The following SLC2A7 variants were observed in gnomAD, a reference collection of about 807,000 sequenced individuals.
SLC2A7 encodes solute carrier family 2, facilitated glucose transporter member 7.
A neutral mutation model predicts 50.5 loss-of-function variants in SLC2A7; 50 were observed. That is an observed-to-expected ratio of 0.99 (90% CI 0.79 to 1.25). SLC2A7 has a LOEUF of 1.25. SLC2A7 is among the 50% of genes most tolerant of loss of function. The pLI, the probability that SLC2A7 is intolerant of heterozygous loss-of-function variation, is 0.00. For missense variants in SLC2A7, 683 were observed against 679.1 expected (o/e 1.01, Z -0.06); for synonymous variants, 308 against 300.4 (o/e 1.03, Z -0.26).
rs376207959 is a variant in SLC2A7, at chr1:9,009,624, C to T, written c.1116+519G>A. Among the ~76,000 whole-genome samples the T allele has an allele frequency of 5.1e-4, 78 of 152,200 alleles. No homozygotes were observed. In the East Asian group the frequency reaches 5.8e-3, roughly 11 times the overall value. On this transcript the variant is annotated intron_variant, in intron 9 of 11. Transcript: ENST00000400906. ...GGTGCACACCACCACACCCAGAAAA[C>T]GTTTTGTATTTTTTGTAGAGATGGG...
chr1:9,004,331 T>TAAAAAA (rs761127530), intron 11 of SLC2A7, among the ~76,000 whole-genome samples: 74 of 119,860 alleles, frequency 6.2e-4, no homozygotes, highest in African/African-American at 2.4e-3. Context: ...AGGCCCTGTC[T>TAAAAAA]AAAAAAAAAA....
chr1:9,023,637 T>G (rs1156901132), intron 2 of SLC2A7, among the ~76,000 whole-genome samples: 1 of 151,652 alleles, frequency 6.6e-6, no homozygotes, highest in Non-Finnish European at 1.5e-5. Context: ...TGGCTGGGAA[T>G]GGCTCACACC....
intron 9 of SLC2A7, among the ~76,000 whole-genome samples, chr1:9,007,690 A>G (rs1014605669): frequency 6.6e-6 from 1 of 151,608 alleles, no homozygotes; most frequent in East Asian, 1.9e-4. Context: ...ATATTAACTC[A>G]TCTGATCTTT....
downstream of SLC2A7, among the ~76,000 whole-genome samples, chr1:9,001,419 ATTTT>A (rs767748961): frequency 0.024 from 3,022 of 124,274 alleles, 95 homozygotes; most frequent in African/African-American, 0.085. Flanking sequence ...TGCAGGTGCT[ATTTT>A]TTTTTTTTTT....
downstream of SLC2A7, among the ~76,000 whole-genome samples, chr1:9,002,087 C>G (rs28770818): frequency 1.3e-5 from 2 of 152,000 alleles, no homozygotes; most frequent in Non-Finnish European, 2.9e-5. Context: ...TCTCCATTGT[C>G]GAGTACCCAG....
chr1:8,997,197 T>C, the SLC2A7 span, among the ~76,000 whole-genome samples: 1 of 151,990 alleles, frequency 6.6e-6, no homozygotes, highest in African/African-American at 2.4e-5. Flanking sequence ...TCCCAGTGAC[T>C]CGAGAGGCTG....
intron 7 of SLC2A7, among the ~76,000 whole-genome samples, chr1:9,014,273 G>T (rs531507347): frequency 6.6e-6 from 1 of 152,344 alleles, no homozygotes; most frequent in East Asian, 1.9e-4. Context: ...TACAGCCAAA[G>T]AGCCACGGTC....
chr1:9,004,469 C>A (rs1464115611), intron 11 of SLC2A7, among the ~76,000 whole-genome samples: 2 of 152,138 alleles, frequency 1.3e-5, no homozygotes, highest in African/African-American at 4.8e-5. Flanking sequence ...GGGATCTGCA[C>A]CCTGGCTCTG....
At chr1:9,022,016 G>C (rs1569808628) in intron 3 of SLC2A7, among the ~76,000 whole-genome samples, 1 of 152,154 alleles carries the variant, frequency 6.6e-6, no homozygotes, top group South Asian at 2.1e-4. Context: ...CTTCTTTCCA[G>C]CGCATAATGT....
Position 9,018,273 on chromosome 1 carries a change from A to C in SLC2A7, c.539T>G (p.Val180Gly), listed in dbSNP as rs751075534. The C allele has an allele frequency of 8.1e-6, 13 of 1,613,732 alleles. No individual in the cohort carries two copies. In the East Asian group the frequency reaches 2.9e-4, roughly 36 times the overall value. Residue 180 changes from valine to glycine, a missense_variant, in exon 5 of 12, where the codon GTC becomes GGC. Coordinates refer to ENST00000400906, the MANE Select transcript of SLC2A7 (RefSeq NM_207420.3). ...GAGGCTGAAGATCTGTGCTAGGAAG[A>C]CTCCAACGATGACGAAAACCTCGGT... is the stretch of plus-strand genomic sequence containing the variant. ...TMTEVFVIVGVFLAQIFSLQA... is the reference protein window; with the variant it reads ...TMTEVFVIVGGFLAQIFSLQA...
At chr1:9,012,977 A>G (rs1015871713) in intron 8 of SLC2A7, among the ~76,000 whole-genome samples, 1 of 151,852 alleles carries the variant, frequency 6.6e-6, no homozygotes, top group African/African-American at 2.4e-5. Flanking sequence ...TGCAATCTCC[A>G]CCTCCCAAGT....
chr1:8,998,751 G>C (rs749464108), downstream of SLC2A7, among the ~76,000 whole-genome samples: 3 of 152,124 alleles, frequency 2.0e-5, no homozygotes, highest in Non-Finnish European at 4.4e-5. Flanking sequence ...GATCAATTTG[G>C]GGAGGATTAA....
At chr1:9,007,432 G>T (rs373077707) in intron 9 of SLC2A7, 47 bp from the exon 10 acceptor site, 2 of 1,588,344 alleles carry the variant, frequency 1.3e-6, no homozygotes, top group South Asian at 1.1e-5. Context: ...GGAGCCCCAC[G>T]TGCGGGGGGG....
Position 9,019,449 on chromosome 1 carries a change from A to C in SLC2A7, c.312-116T>G, listed in dbSNP as rs538202961. ...AGAGGCGCGGGGAATGTGCCCGAGA[A>C]AGAGCTGAAGCAGGGGGCCGTGGAC... On this transcript the variant is annotated intron_variant, in intron 3 of 11. Coordinates refer to ENST00000400906, the MANE Select transcript of SLC2A7 (RefSeq NM_207420.3). 9 of 1,425,228 alleles carry C rather than the reference A, an allele frequency of 6.3e-6. No homozygotes were observed. In the Admixed American group the frequency reaches 1.7e-4, roughly 26 times the overall value. 88.3% of individuals were successfully genotyped at this position (1,425,228 alleles called of 1,614,324 possible).
rs752073475 is a variant in SLC2A7 at position 9,007,391 on chromosome 1, G to A, written c.1117-6C>T. The A allele has an allele frequency of 6.8e-6, 11 of 1,613,922 alleles. No individual in the cohort carries two copies. The highest frequency in any genetic ancestry group is 1.1e-5 in the South Asian group (1 of 91,074). Reference sequence around the variant, plus strand: ...GACAGCTCGGGGACCCTGTTCTGTGGGGAGAGGCAGGGCTGTCTGGGCTGA... The same window carrying A: ...GACAGCTCGGGGACCCTGTTCTGTGAGGAGAGGCAGGGCTGTCTGGGCTGA... On this transcript the variant is annotated splice_region_variant and splice_polypyrimidine_tract_variant and intron_variant, in intron 9 of 11. Transcript: ENST00000400906.
chr1:9,016,880 C>T (rs1311679949), intron 5 of SLC2A7, among the ~76,000 whole-genome samples: 1 of 152,044 alleles, frequency 6.6e-6, no homozygotes, highest in African/African-American at 2.4e-5. Context: ...TAAAACAATA[C>T]CCCAAAATGA....
chr1:8,997,263 GTCAC>G, the SLC2A7 span, among the ~76,000 whole-genome samples: 1 of 151,972 alleles, frequency 6.6e-6, no homozygotes, highest in Non-Finnish European at 1.5e-5. Flanking sequence ...CCATGATTGT[GTCAC>G]TGCACTCCAG....
At chr1:9,002,548 T>C (rs981132383), downstream of SLC2A7, among the ~76,000 whole-genome samples, 3 of 152,174 alleles carry the variant, frequency 2.0e-5, no homozygotes, top group Admixed American at 6.6e-5. Context: ...TTTGCTCACA[T>C]GTTTTCCTGC....
At chr1:8,993,788 C>A in the SLC2A7 span, among the ~76,000 whole-genome samples, 19 of 152,052 alleles carry the variant, frequency 1.2e-4, no homozygotes, top group Non-Finnish European at 2.5e-4. Flanking sequence ...TCACCATGCC[C>A]GGCTACTTTT....
Sources: gnomAD v4.1 joint callset for allele counts (sites outside exome capture counted in the v4.1 genomes callset) on GRCh38, gnomAD v4.1.1 for gene constraint, MANE v1.5 for transcripts, NCBI Gene and HGNC (gene_info 2026-07-23, HGNC 2026-07-21) for gene names.